ZNF654: variants seen among roughly 807,000 people sequenced by gnomAD.
ZNF654 encodes melanoma-associated antigen.
A neutral mutation model predicts 95.3 loss-of-function variants in ZNF654; 19 were observed. The observed-to-expected ratio is 0.20, with a 90% CI of 0.14 to 0.29. ZNF654 has a LOEUF of 0.29. ZNF654 is among the 10% of genes least tolerant of loss of function. ZNF654 has a pLI of 1.00. For synonymous variants in ZNF654, 413 were observed against 457.9 expected (o/e 0.90, Z 1.25); for missense variants, 1,046 against 1,341.0 (o/e 0.78, Z 3.44).
intron 2 of ZNF654, among the ~76,000 whole-genome samples, chr3:88,111,452 G>T (rs1705084035): frequency 6.6e-6 from 1 of 151,618 alleles, no homozygotes; most frequent in Non-Finnish European, 1.5e-5. Flanking sequence ...ATAATGTAAT[G>T]AATATATATC....
intron 7 of ZNF654, among the ~76,000 whole-genome samples, chr3:88,138,193 A>T (rs1453382482): frequency 1.3e-5 from 2 of 152,168 alleles, no homozygotes; most frequent in African/African-American, 4.8e-5. Flanking sequence ...TATTTGGATA[A>T]ATAACATTAC....
At chr3:88,093,859 C>T (rs1014471147) in intron 2 of ZNF654, among the ~76,000 whole-genome samples, 23 of 152,150 alleles carry the variant, frequency 1.5e-4, no homozygotes, top group African/African-American at 3.6e-4. Flanking sequence ...TTGTTTTTTG[C>T]GGGGGCTGGG....
At chr3:88,104,946 C>T (rs1445574635) in intron 2 of ZNF654, among the ~76,000 whole-genome samples, 2 of 152,204 alleles carry the variant, frequency 1.3e-5, no homozygotes, top group Non-Finnish European at 2.9e-5. Flanking sequence ...TGAGACCAGC[C>T]TGGCCAACAT....
chr3:88,095,757 A>G (rs1166986364), intron 2 of ZNF654: 2 of 397,224 alleles, frequency 5.0e-6, no homozygotes, highest in African/African-American at 2.2e-5. Flanking sequence ...ACCCTCCTTC[A>G]TCATCTTAAA....
intron 1 of ZNF654, among the ~76,000 whole-genome samples, chr3:88,080,688 G>T (rs1192035771): frequency 6.6e-6 from 1 of 151,972 alleles, no homozygotes; most frequent in Non-Finnish European, 1.5e-5. Context: ...TACAGGCAAG[G>T]GCAAATCTTG....
chr3:88,134,996 G>T, intron 6 of ZNF654, 65 bp from the exon 7 acceptor site: 2 of 1,153,354 alleles, frequency 1.7e-6, no homozygotes, highest in East Asian at 3.0e-5. Context: ...ATCAGGGAAA[G>T]ATAGCTAATG....
Position 88,141,121 on chromosome 3 carries a change from T to A in ZNF654, c.3379+73T>A, listed in dbSNP as rs535225907. ...GGCATAAATAAAACTATTATAGATC[T>A]TTGAGATTTAAAAAATTGATATTTG... On this transcript the variant is annotated intron_variant, in intron 8 of 8. Coordinates refer to ENST00000636215, the MANE Select transcript of ZNF654 (RefSeq NM_001350134.2). 9.4e-6 allele frequency: 14 copies of A among 1,495,122 alleles called. No homozygotes were observed. In the African/African-American group the frequency reaches 1.8e-4, roughly 19 times the overall value. The allele number at this position is 1,495,122 out of a possible 1,614,324, so 92.6% of individuals were successfully genotyped here. A position where few individuals can be genotyped will look rare whatever the true frequency, so the allele number is the denominator to read the frequency against.
chr3:88,069,623 T>G (rs1707397274), intron 1 of ZNF654, among the ~76,000 whole-genome samples: 1 of 152,210 alleles, frequency 6.6e-6, no homozygotes, highest in Non-Finnish European at 1.5e-5. Flanking sequence ...GCTTCAACAT[T>G]CACATCAGGA....
At position 88,081,829 on chromosome 3, in the gene ZNF654, C is replaced by T. The variant is rs144725854; in HGVS notation, c.187-4428C>T. ...TGGTATTTAGAGGCCAAGATTTGGGCACTAAGTGTGTTTACTGTTGCTGTA... is the reference window on the plus strand; with the variant it reads ...TGGTATTTAGAGGCCAAGATTTGGGTACTAAGTGTGTTTACTGTTGCTGTA... On this transcript the variant is annotated intron_variant, in intron 1 of 8. Coordinates refer to ENST00000636215, the MANE Select transcript of ZNF654 (RefSeq NM_001350134.2). Among the ~76,000 whole-genome samples the T allele has an allele frequency of 5.3e-3, 814 of 152,234 alleles. 5 individuals carry two copies. Among genetic ancestry groups the T allele is most frequent in the African/African-American group, 0.017 (699 of 41,520 alleles).
In ZNF654 at chr3:88,123,079, A is replaced by G. The variant is rs138576347; in HGVS notation, c.415-3055A>G. Among the ~76,000 whole-genome samples the G allele has an allele frequency of 8.7e-4, 133 of 152,090 alleles. 2 individuals carry two copies. Among genetic ancestry groups the G allele is most frequent in the Admixed American group, 7.6e-3 (116 of 15,264 alleles). Reference sequence around the variant, plus strand: ...GTGTATATATACCCTAGGAGAGAATAAGTTGTGCATTCTACAGTAATTTAA... The same window carrying G: ...GTGTATATATACCCTAGGAGAGAATGAGTTGTGCATTCTACAGTAATTTAA... On this transcript the variant is annotated intron_variant, in intron 3 of 8. Coordinates refer to ENST00000636215, the MANE Select transcript of ZNF654 (RefSeq NM_001350134.2).
In ZNF654 at chr3:88,140,508, G is replaced by C. The variant is rs768000896; in HGVS notation, c.2839G>C (p.Asp947His). Reference protein sequence around the residue: ...SLVQNGNERSDDTVSNISLID... With the variant: ...SLVQNGNERSHDTVSNISLID... ...AGTTCAGAATGGAAACGAACGTTCT[G>C]ATGACACTGTTTCAAATATAAGCTT... is the stretch of plus-strand genomic sequence containing the variant. The change falls in exon 8 of 9, where the codon GAT becomes CAT. Residue 947 changes from aspartate (D) to histidine (H), a missense_variant. By Grantham distance (81) the Asp-to-His change is moderately conservative. This residue lies in a region of ZNF654 where 495 missense variants were observed against 537.0 expected (regional missense o/e 0.92). Transcript: ENST00000636215. The C allele has an allele frequency of 3.1e-5, 50 of 1,613,628 alleles. No homozygotes were observed. The Admixed American group carries it at 5.8e-4, about 19-fold the overall frequency.
At chr3:88,123,062 A>G (rs1308465706) in intron 3 of ZNF654, among the ~76,000 whole-genome samples, 1 of 151,942 alleles carries the variant, frequency 6.6e-6, no homozygotes, top group Non-Finnish European at 1.5e-5. Context: ...ATGTGTATAT[A>G]TACCCTAGGA....
chr3:88,133,550 A>G lies in ZNF654; in HGVS notation c.894-1511A>G, dbSNP rs148834661. ...AAGAGATACTTGATAGGGCCTTTGA[A>G]AGATAAGTTCATCTTAGGAATGAAG... On this transcript the variant is annotated intron_variant, in intron 6 of 8. Transcript: ENST00000636215. 2.5e-3 allele frequency among the ~76,000 whole-genome samples: 374 copies of G among 152,158 alleles called. 3 individuals carry two copies. Among genetic ancestry groups the G allele is most frequent in the African/African-American group, 8.2e-3 (342 of 41,518 alleles).
At chr3:88,063,578 A>G (rs188797130) in intron 1 of ZNF654, among the ~76,000 whole-genome samples, 41 of 152,318 alleles carry the variant, frequency 2.7e-4, no homozygotes, top group Admixed American at 2.3e-3. Flanking sequence ...AGGGTATAAT[A>G]CATTTTTACT....
At chr3:88,063,837 C>T (rs1707034922) in intron 1 of ZNF654, among the ~76,000 whole-genome samples, 1 of 152,004 alleles carries the variant, frequency 6.6e-6, no homozygotes, top group Non-Finnish European at 1.5e-5. Flanking sequence ...TCTTAGCATC[C>T]CGAGTTTGTG....
At position 88,128,980 on chromosome 3, in the gene ZNF654, T is replaced by C; in HGVS notation, c.722T>C (p.Met241Thr). The C allele has an allele frequency of 6.5e-7, 1 of 1,534,974 alleles. No homozygotes were observed. Among genetic ancestry groups the C allele is most frequent in the Non-Finnish European group, 8.7e-7 (1 of 1,146,262 alleles). Reference sequence around the variant, plus strand: ...CAAGCACTCTTCACATGTCTGTTTATGTCACCTGTAGAAGATCAGCTATTC... The same window carrying C: ...CAAGCACTCTTCACATGTCTGTTTACGTCACCTGTAGAAGATCAGCTATTC... ...FHQALFTCLF[M>T]SPVEDQLFRE... Residue 241 changes from methionine to threonine, a missense_variant, in exon 5 of 9, where the codon ATG becomes ACG. Met to Thr is a moderately conservative substitution (Grantham distance 81, BLOSUM62 -1). Coordinates refer to ENST00000636215, the MANE Select transcript of ZNF654 (RefSeq NM_001350134.2).
Position 88,064,402 on chromosome 3 carries a change from T to C in ZNF654, c.186+4897T>C, listed in dbSNP as rs572444814. ...TTTTGTTTATCCCTTTCCTTCCTGC[T>C]ACCCTCTTTGTGTCCAAATGTTCAG... is the stretch of plus-strand genomic sequence containing the variant. On this transcript the variant is annotated intron_variant, in intron 1 of 8. Transcript: ENST00000636215. Among the ~76,000 whole-genome samples, 5 of 152,322 alleles carry C rather than the reference T, an allele frequency of 3.3e-5. No individual in the cohort carries two copies. In the East Asian group the frequency reaches 9.6e-4, roughly 29 times the overall value.
intron 3 of ZNF654, 24 bp from the exon 4 acceptor site, chr3:88,126,110 G>C (rs1576331377): frequency 2.1e-6 from 3 of 1,454,788 alleles, no homozygotes; most frequent in South Asian, 2.8e-5. Context: ...AATTCACAGA[G>C]CCAAAATGAT....
chr3:88,076,838 C>T (rs1339258879), intron 1 of ZNF654, among the ~76,000 whole-genome samples: 1 of 152,130 alleles, frequency 6.6e-6, no homozygotes, highest in Non-Finnish European at 1.5e-5. Flanking sequence ...ACCTGCTATT[C>T]ATAAGAGGAA....
Sources: allele counts gnomAD v4.1 joint callset (sites outside exome capture counted in the v4.1 genomes callset), GRCh38; gene constraint gnomAD v4.1.1; regional missense constraint gnomAD v4.1.1; transcripts MANE v1.5; gene names NCBI Gene and HGNC (gene_info 2026-07-23, HGNC 2026-07-21).